IQGAP2: variants seen among roughly 807,000 people sequenced by gnomAD.
IQGAP2 encodes the protein ras GTPase-activating-like protein IQGAP2.
In IQGAP2, 173 loss-of-function variants were observed where a neutral mutation model predicts 201.3. The observed-to-expected ratio is 0.86, with a 90% CI of 0.76 to 0.98. The LOEUF is 0.98. Ranked by LOEUF, IQGAP2 falls within the 50% of genes least tolerant of loss-of-function variation. IQGAP2 has a pLI of 0.00. For missense variants in IQGAP2, 1,687 were observed against 1,864.8 expected (o/e 0.90, Z 1.76); for synonymous variants, 675 against 673.9 (o/e 1.00, Z -0.03).
chr5:76,606,125 G>A, intron 11 of IQGAP2, 54 bp from the exon 12 acceptor site: 3 of 1,489,846 alleles, frequency 2.0e-6, no homozygotes, highest in Non-Finnish European at 2.7e-6. Context: ...AGAAACAACA[G>A]GAACGAAGAA....
At chr5:76,550,920 C>A (rs921854715) in intron 2 of IQGAP2, among the ~76,000 whole-genome samples, 2 of 151,218 alleles carry the variant, frequency 1.3e-5, no homozygotes, top group South Asian at 2.1e-4. Context: ...ACTTCCCACA[C>A]GGGGCGGCCA....
At chr5:76,527,758 G>A (rs1759054700) in intron 2 of IQGAP2, among the ~76,000 whole-genome samples, 2 of 152,246 alleles carry the variant, frequency 1.3e-5, no homozygotes, top group South Asian at 4.1e-4. Flanking sequence ...CAAGCAAAGG[G>A]AAGAAATGTC....
rs528242420 is a variant in IQGAP2, at chr5:76,596,583, T to C, written c.908-856T>C. Reference sequence around the variant, plus strand: ...TAATTTATGAAGAAAAGAGGCTTAATTGACTCAGAGTTCTGCATGTCTGAA... The same window carrying C: ...TAATTTATGAAGAAAAGAGGCTTAACTGACTCAGAGTTCTGCATGTCTGAA... On this transcript the variant is annotated intron_variant, in intron 9 of 35. Transcript: ENST00000274364. Among the ~76,000 whole-genome samples the C allele has an allele frequency of 7.2e-5, 11 of 152,316 alleles. No homozygotes were observed. The South Asian group carries it at 1.7e-3, about 23-fold the overall frequency.
intron 34 of IQGAP2, among the ~76,000 whole-genome samples, chr5:76,701,464 C>T (rs942837838): frequency 1.3e-5 from 2 of 152,346 alleles, no homozygotes; most frequent in East Asian, 3.9e-4. Flanking sequence ...ACCTCCAGAA[C>T]TGAGTCATAG....
At chr5:76,606,679 C>G (rs959712060) in intron 12 of IQGAP2, 1 of 153,216 alleles carries the variant, frequency 6.5e-6, no homozygotes, top group African/African-American at 2.4e-5. Flanking sequence ...CACGATTTTT[C>G]TGCCCCACAA....
intron 5 of IQGAP2, among the ~76,000 whole-genome samples, chr5:76,588,259 A>G (rs1008425157): frequency 1.3e-5 from 2 of 152,246 alleles, no homozygotes; most frequent in Admixed American, 6.5e-5. Flanking sequence ...TATTTTTTAT[A>G]GAATTTAGAT....
chr5:76,638,440 C>T (rs555421863), intron 16 of IQGAP2, among the ~76,000 whole-genome samples: 26 of 152,180 alleles, frequency 1.7e-4, no homozygotes, highest in African/African-American at 4.6e-4. Context: ...TGCTTTTTCT[C>T]GTTATAAACA....
intron 2 of IQGAP2, chr5:76,510,718 C>T (rs1757909614): frequency 1.9e-6 from 1 of 527,726 alleles, no homozygotes. Context: ...TCCATTTCAC[C>T]CTCTCGGACC....
At chr5:76,653,579 G>A (rs1448667442) in intron 18 of IQGAP2, among the ~76,000 whole-genome samples, 3 of 151,890 alleles carry the variant, frequency 2.0e-5, no homozygotes, top group Non-Finnish European at 4.4e-5. Flanking sequence ...TAACATAGGG[G>A]GACCTCATTT....
chr5:76,692,540 A>G lies in IQGAP2; in HGVS notation c.3906-815A>G, dbSNP rs533782649. ...GAGCAAATTTGACCCTTTAGCTTTT[A>G]TGTTAAAACCTTTGTACGTAATTAC... On this transcript the variant is annotated intron_variant, in intron 30 of 35. Transcript: ENST00000274364. Among the ~76,000 whole-genome samples the G allele has an allele frequency of 3.3e-5, 5 of 152,220 alleles. No homozygotes were observed. The South Asian group carries it at 1.0e-3, about 32-fold the overall frequency.
intron 2 of IQGAP2, among the ~76,000 whole-genome samples, chr5:76,472,790 G>A (rs1462264573): frequency 6.6e-6 from 1 of 152,188 alleles, no homozygotes; most frequent in Admixed American, 6.5e-5. Flanking sequence ...AAGACAAGTT[G>A]AGCAACTGAT....
chr5:76,417,091 C>T (rs942385569), intron 1 of IQGAP2, among the ~76,000 whole-genome samples: 3 of 152,096 alleles, frequency 2.0e-5, no homozygotes, highest in Non-Finnish European at 2.9e-5. Flanking sequence ...TATGTTTACC[C>T]TGTCTCAAAA....
intron 5 of IQGAP2, among the ~76,000 whole-genome samples, chr5:76,588,262 A>T (rs1300514664): frequency 6.6e-6 from 1 of 152,210 alleles, no homozygotes; most frequent in Non-Finnish European, 1.5e-5. Context: ...TTTTTATAGA[A>T]TTTAGATGCC....
At chr5:76,689,608 G>C (rs778886659) in intron 30 of IQGAP2, among the ~76,000 whole-genome samples, 31 of 152,124 alleles carry the variant, frequency 2.0e-4, no homozygotes, top group Non-Finnish European at 2.8e-4. Context: ...TTAGCTGCTT[G>C]AGTGCTTAAA....
chr5:76,472,191 A>G (rs1212778025), intron 2 of IQGAP2, among the ~76,000 whole-genome samples: 1 of 152,232 alleles, frequency 6.6e-6, no homozygotes, highest in African/African-American at 2.4e-5. Flanking sequence ...CGAGGCTGAG[A>G]TCAGGGCCTG....
At chr5:76,698,362 A>G (rs1746947594) in intron 33 of IQGAP2, among the ~76,000 whole-genome samples, 1 of 152,246 alleles carries the variant, frequency 6.6e-6, no homozygotes, top group Non-Finnish European at 1.5e-5. Context: ...CTAGAATTAA[A>G]GTGGCTTACC....
At chr5:76,529,043 C>T (rs1262814320) in intron 2 of IQGAP2, among the ~76,000 whole-genome samples, 2 of 152,172 alleles carry the variant, frequency 1.3e-5, no homozygotes, top group Non-Finnish European at 2.9e-5. Flanking sequence ...GTGAATTAGG[C>T]AGATAGCATT....
intron 2 of IQGAP2, among the ~76,000 whole-genome samples, chr5:76,479,349 C>A (rs1195861672): frequency 6.6e-6 from 1 of 152,078 alleles, no homozygotes; most frequent in East Asian, 1.9e-4. Context: ...TGTCCCTGTG[C>A]TTTTGTCTAG....
intron 22 of IQGAP2, among the ~76,000 whole-genome samples, chr5:76,668,273 G>C (rs1290106676): frequency 6.6e-6 from 1 of 152,032 alleles, no homozygotes; most frequent in East Asian, 1.9e-4. Context: ...GTTCAAAAAG[G>C]TCAACAGTGA....
Sources: allele counts gnomAD v4.1 joint callset (sites outside exome capture counted in the v4.1 genomes callset), GRCh38; gene constraint gnomAD v4.1.1; transcripts MANE v1.5; gene names NCBI Gene and HGNC (gene_info 2026-07-23, HGNC 2026-07-21).